The following PIK3R6 variants were observed in gnomAD, a reference collection of about 807,000 sequenced individuals.
The protein encoded by PIK3R6 is phosphoinositide 3-kinase regulatory subunit 6.
Under a neutral mutation model 84.9 loss-of-function variants are expected in PIK3R6, and 91 were observed. That is an observed-to-expected ratio of 1.07 (90% CI 0.90 to 1.28). PIK3R6 has a LOEUF of 1.28. Ranked by LOEUF, PIK3R6 falls within the 50% of genes most tolerant of loss-of-function variation. The probability of loss-of-function intolerance (pLI) is 0.00; values close to 1 mark genes in which losing one functional copy is unlikely to be tolerated. For synonymous variants in PIK3R6, 416 were observed against 411.4 expected, an observed-to-expected ratio of 1.01 and a Z score of -0.13; for missense variants, 996 against 985.1, an observed-to-expected ratio of 1.01 and a Z score of -0.15.
intron 1 of PIK3R6, among the ~76,000 whole-genome samples, chr17:8,863,137 T>C (rs1331056470): frequency 3.3e-5 from 5 of 151,994 alleles, no homozygotes; most frequent in Admixed American, 6.6e-5. Flanking sequence ...GAAGGAGGGG[T>C]TCTAGAGTTG....
Position 8,803,629 on chromosome 17 carries a change from T to C in PIK3R6, c.2109-200A>G. On this transcript the variant is annotated intron_variant, in intron 19 of 19. Coordinates refer to ENST00000619866, the MANE Select transcript of PIK3R6 (RefSeq NM_001010855.4). This position sits in a 1 kb window ranked among gnomAD's most constrained non-coding sequence, Gnocchi z 5.0. ...GGGGTTCACCGGGAGAGGAGACACT[T>C]GGAGCAAGTAACTCTGCGCATGCCT... is the stretch of plus-strand genomic sequence containing the variant. The C allele has an allele frequency of 1.7e-6, 1 of 585,626 alleles. No homozygotes were observed. Among genetic ancestry groups the C allele is most frequent in the Non-Finnish European group, 3.0e-6 (1 of 338,424 alleles). The allele number at this position is 585,626 out of a possible 1,614,324, so 36.3% of individuals were successfully genotyped here. A position where few individuals can be genotyped will look rare whatever the true frequency, so the allele number is the denominator to read the frequency against.
At chr17:8,818,098 G>A (rs1026352839) in intron 18 of PIK3R6, among the ~76,000 whole-genome samples, 1 of 152,198 alleles carries the variant, frequency 6.6e-6, no homozygotes, top group African/African-American at 2.4e-5. Context: ...GTGAGCGGGA[G>A]GTCATGAGTT....
rs555881683 is a variant in PIK3R6, at chr17:8,839,228, A to T, written c.97+386T>A. 6.6e-6 allele frequency among the ~76,000 whole-genome samples: 1 copy of T among 152,212 alleles called. No homozygotes were observed. Among genetic ancestry groups the T allele is most frequent in the Non-Finnish European group, 1.5e-5 (1 of 68,018 alleles). On this transcript the variant is annotated intron_variant, in intron 3 of 19. Coordinates refer to ENST00000619866, the MANE Select transcript of PIK3R6 (RefSeq NM_001010855.4). This position sits in a 1 kb window ranked among gnomAD's most constrained non-coding sequence, Gnocchi z 4.2. ...CAGGGCATGGTGGCACACGCCTGTAATCTCAGCTACTTGGGAGGCTGAGGC... is the reference window on the plus strand; with the variant it reads ...CAGGGCATGGTGGCACACGCCTGTATTCTCAGCTACTTGGGAGGCTGAGGC...
At chr17:8,861,231 A>G (rs1438461936) in intron 1 of PIK3R6, among the ~76,000 whole-genome samples, 1 of 151,864 alleles carries the variant, frequency 6.6e-6, no homozygotes, top group African/African-American at 2.4e-5. Context: ...TTGGCAATCC[A>G]TGTTCTATAT....
intron 1 of PIK3R6, among the ~76,000 whole-genome samples, chr17:8,863,442 C>T (rs552658980): frequency 6.6e-6 from 1 of 152,168 alleles, no homozygotes; most frequent in South Asian, 2.1e-4. Flanking sequence ...CCCTAATGTG[C>T]AATGAATCTC....
In PIK3R6 at chr17:8,858,739, A is replaced by G. The variant is rs1183737345; in HGVS notation, c.-92+8790T>C. 3.3e-5 allele frequency among the ~76,000 whole-genome samples: 5 copies of G among 152,112 alleles called. No individual in the cohort carries two copies. The East Asian group carries it at 9.7e-4, about 29-fold the overall frequency. On this transcript the variant is annotated intron_variant, in intron 1 of 19. Coordinates refer to ENST00000619866, the MANE Select transcript of PIK3R6 (RefSeq NM_001010855.4). The stretch of plus-strand genomic sequence containing the variant: ...TACATTGAGTGGCTGTTACTGTTTG[A>G]CTTCTCATGTATGATTCCTCATTTC...
intron 1 of PIK3R6, among the ~76,000 whole-genome samples, chr17:8,860,285 G>GC (rs1448826928): frequency 4.3e-5 from 6 of 141,006 alleles, no homozygotes; most frequent in African/African-American, 1.9e-4. Context: ...TCCGCCTCCT[G>GC]GGGCGGGGGG....
At chr17:8,806,161 G>T in intron 18 of PIK3R6, among the ~76,000 whole-genome samples, 1 of 152,296 alleles carries the variant, frequency 6.6e-6, no homozygotes, top group East Asian at 1.9e-4. Context: ...AGCCAGGTAC[G>T]TTCTATTTGC....
intron 18 of PIK3R6, among the ~76,000 whole-genome samples, chr17:8,815,494 G>C (rs1223569564): frequency 1.4e-5 from 2 of 147,874 alleles, no homozygotes; most frequent in Non-Finnish European, 3.0e-5. Context: ...AACAGAGTGA[G>C]ACTCAGTCTC....
At chr17:8,827,760 AGAGGAGAGAGAG>A (rs2087983809) in intron 12 of PIK3R6, among the ~76,000 whole-genome samples, 1 of 63,158 alleles carries the variant, frequency 1.6e-5, no homozygotes, top group African/African-American at 9.7e-5. Context: ...AGAGAGAGAG[AGAGGAGAGAGAG>A]AGAGAGAGAG....
chr17:8,849,783 T>A lies in PIK3R6; in HGVS notation c.12A>T (p.Ser4=). 6.2e-7 allele frequency: 1 copy of A among 1,612,138 alleles called. No individual in the cohort carries two copies. The highest frequency in any genetic ancestry group is 2.2e-5 in the East Asian group (1 of 44,832). ...CCCCTTTCCCCCCACCACACTGACC[T>A]GAGCTCTCCATGGGAGCCTTTGGGT... MES[S]DVELDLQRSV... is the part of the protein sequence containing the mutation. The change falls in exon 2 of 20, where the codon TCA becomes TCT. Residue 4 remains serine, a splice_region_variant and synonymous_variant. Coordinates refer to ENST00000619866, the MANE Select transcript of PIK3R6 (RefSeq NM_001010855.4).
At position 8,828,681 on chromosome 17, in the gene PIK3R6, G is replaced by C. The variant is rs762988136; in HGVS notation, c.1199C>G (p.Pro400Arg). Reference protein sequence around the residue: ...PPGLHRRTGRPSGDGEMLPGV... With the variant: ...PPGLHRRTGRRSGDGEMLPGV... ...GGGCAGCATTTCCCCATCCCCACTG[G>C]GCCGGCCTGTCCTCCGGTGCAGCCC... Residue 400 changes from proline (P) to arginine (R), a missense_variant, in exon 11 of 20, where the codon CCC (proline) becomes CGC (arginine). Transcript: ENST00000619866. The C allele has an allele frequency of 4.8e-5, 78 of 1,612,108 alleles. No homozygotes were observed. The African/African-American group carries it at 8.9e-4, about 18-fold the overall frequency.
chr17:8,850,644 C>G (rs2088932474), intron 1 of PIK3R6, among the ~76,000 whole-genome samples: 1 of 152,074 alleles, frequency 6.6e-6, no homozygotes, highest in Admixed American at 6.6e-5. Context: ...AGCGATAAAC[C>G]CAATGACTAG....
intron 1 of PIK3R6, among the ~76,000 whole-genome samples, chr17:8,864,374 A>T (rs557010286): frequency 1.4e-4 from 22 of 151,924 alleles, no homozygotes; most frequent in African/African-American, 5.3e-4. Flanking sequence ...TCATGCTCCT[A>T]GTTGTGCTGT....
At chr17:8,805,371 C>T (rs565387495) in intron 18 of PIK3R6, among the ~76,000 whole-genome samples, 27 of 152,234 alleles carry the variant, frequency 1.8e-4, no homozygotes, top group African/African-American at 4.6e-4. Context: ...CCAAGCATGA[C>T]TCATGGACTC....
intron 13 of PIK3R6, among the ~76,000 whole-genome samples, chr17:8,824,072 C>T (rs1047077796): frequency 6.6e-6 from 1 of 152,162 alleles, no homozygotes; most frequent in African/African-American, 2.4e-5. Flanking sequence ...GAGTTCGAGA[C>T]CAGCCTGACC....
At position 8,839,823 on chromosome 17, in the gene PIK3R6, T is replaced by G. The variant is rs577927904; in HGVS notation, c.14-126A>C. 1 of 722,770 alleles carries G rather than the reference T, an allele frequency of 1.4e-6. No homozygotes were observed. Among genetic ancestry groups the G allele is most frequent in the East Asian group, 3.2e-5 (1 of 31,166 alleles). 44.8% of individuals were successfully genotyped at this position (722,770 alleles called of 1,614,324 possible). A position where few individuals can be genotyped will look rare whatever the true frequency, so the allele number is the denominator to read the frequency against. The stretch of plus-strand genomic sequence containing the variant: ...TCAGGAGGTGCCCGAAGTAATCGAC[T>G]TAGAGCTGGCAGCCAGCATGCCAGC... On this transcript the variant is annotated intron_variant, in intron 2 of 19. Transcript: ENST00000619866. This position sits in a 1 kb window ranked among gnomAD's most constrained non-coding sequence, Gnocchi z 4.2.
intron 8 of PIK3R6, among the ~76,000 whole-genome samples, chr17:8,834,156 C>CAAAAAA: frequency 2.2e-5 from 1 of 46,458 alleles, no homozygotes; most frequent in Non-Finnish European, 4.6e-5. Context: ...GACTTCGTCT[C>CAAAAAA]AAAAAAAAAA....
At chr17:8,825,430 G>T (rs975641051) in intron 13 of PIK3R6, among the ~76,000 whole-genome samples, 2 of 152,114 alleles carry the variant, frequency 1.3e-5, no homozygotes, top group Non-Finnish European at 2.9e-5. Flanking sequence ...ATATCAAAAG[G>T]CTAATTTGTA....
Sources: allele counts gnomAD v4.1 joint callset (sites outside exome capture counted in the v4.1 genomes callset), GRCh38; gene constraint gnomAD v4.1.1; non-coding constraint Gnocchi (gnomAD v3.1); transcripts MANE v1.5; gene names NCBI Gene and HGNC (gene_info 2026-07-23, HGNC 2026-07-21).